The following TRIP12 variants were observed in gnomAD, a reference collection of about 807,000 sequenced individuals.
TRIP12 encodes thyroid hormone receptor interactor 12.
In TRIP12, 25 loss-of-function variants were observed where a neutral mutation model predicts 244.2. The ratio of observed to expected loss-of-function variants is 0.10; its 90% CI spans 0.07 to 0.14. The LOEUF is 0.14. Ranked by LOEUF, TRIP12 falls within the 10% of genes least tolerant of loss-of-function variation. The pLI is 1.00. For missense variants in TRIP12, 1,677 were observed against 2,486.4 expected (o/e 0.67, Z 6.92); for synonymous variants, 905 against 873.1 (o/e 1.04, Z -0.64).
At chr2:229,780,408 G>T (rs1334447899) in intron 34 of TRIP12, among the ~76,000 whole-genome samples, 1 of 152,118 alleles carries the variant, frequency 6.6e-6, no homozygotes, top group South Asian at 2.1e-4. Flanking sequence ...TAGCATTCCC[G>T]ACATCTTGTA....
intron 8 of TRIP12, among the ~76,000 whole-genome samples, chr2:229,825,519 G>T (rs999975425): frequency 6.6e-6 from 1 of 152,210 alleles, no homozygotes; most frequent in Non-Finnish European, 1.5e-5. Context: ...GGCTGGGGAG[G>T]CCTCAGGAAA....
intron 17 of TRIP12, among the ~76,000 whole-genome samples, chr2:229,806,552 T>C (rs2154274634): frequency 6.6e-6 from 1 of 152,260 alleles, no homozygotes; most frequent in South Asian, 2.1e-4. Context: ...TCTCAGCACA[T>C]ATGAGAGAGT....
At chr2:229,782,623 T>G (rs2038618469) in intron 34 of TRIP12, among the ~76,000 whole-genome samples, 1 of 152,198 alleles carries the variant, frequency 6.6e-6, no homozygotes, top group Admixed American at 6.5e-5. Context: ...CAACTTATAA[T>G]TTTACCTTTG....
chr2:229,873,037 TAGA>T lies in TRIP12; in HGVS notation c.98+6942_98+6944del, dbSNP rs546525977. ...ATAACAAATACAAAGAAAAAAATAA[TAGA>T]AGGAGACTGCATCAAAAATTATTCT... On this transcript the variant is annotated intron_variant, in intron 2 of 41. Coordinates refer to ENST00000675903, the MANE Select transcript of TRIP12 (RefSeq NM_001348323.3). Among the ~76,000 whole-genome samples, 309 of 152,276 alleles carry T rather than the reference TAGA, an allele frequency of 2.0e-3. 2 individuals carry two copies. The highest frequency in any genetic ancestry group is 7.0e-3 in the African/African-American group (292 of 41,562).
At chr2:229,821,278 T>C (rs1452242490) in intron 8 of TRIP12, among the ~76,000 whole-genome samples, 1 of 152,146 alleles carries the variant, frequency 6.6e-6, no homozygotes, top group Non-Finnish European at 1.5e-5. Flanking sequence ...CAAACATCAA[T>C]GAAGTAGAAA....
Position 229,805,776 on chromosome 2 carries a change from T to A in TRIP12, c.2604A>T (p.Ala868=). Residue 868 remains alanine (A), a synonymous_variant, in exon 18 of 42, where the codon GCA becomes GCT. Transcript: ENST00000675903. ...GGTTAGGTTTTCTCTGAATGGCACG[T>A]GCTGTTCCCGTGTCCTCATTGATTT... ...MQQINEDTGT[A]RAIQRKPNPL... The A allele has an allele frequency of 3.1e-6, 5 of 1,609,510 alleles. No individual in the cohort carries two copies. Among genetic ancestry groups the A allele is most frequent in the Non-Finnish European group, 4.3e-6 (5 of 1,176,462 alleles).
intron 2 of TRIP12, among the ~76,000 whole-genome samples, chr2:229,867,176 T>TTG (rs2061696741): frequency 1.3e-5 from 2 of 149,290 alleles, no homozygotes; most frequent in Non-Finnish European, 3.0e-5. Flanking sequence ...TGTTTGTTTT[T>TTG]TTTTTTTGAG....
intron 4 of TRIP12, among the ~76,000 whole-genome samples, chr2:229,846,626 G>A (rs1303272559): frequency 6.6e-6 from 1 of 151,734 alleles, no homozygotes; most frequent in Non-Finnish European, 1.5e-5. Flanking sequence ...ACATCTCCAA[G>A]GTATGCCCGT....
chr2:229,902,456 T>C (rs1008206249), intron 1 of TRIP12, among the ~76,000 whole-genome samples: 1 of 152,208 alleles, frequency 6.6e-6, no homozygotes, highest in African/African-American at 2.4e-5. Context: ...TTATTGGCGG[T>C]ACCTTTAAGT....
In TRIP12 at chr2:229,778,351, A is replaced by C. The variant is rs2036987641; in HGVS notation, c.5364+82T>G. ...TTTGAGAAGCATTGCTCTAAACTATAGCAGTAAACTACAGGGGACTGAGGT... is the reference window on the plus strand; with the variant it reads ...TTTGAGAAGCATTGCTCTAAACTATCGCAGTAAACTACAGGGGACTGAGGT... On this transcript the variant is annotated intron_variant, in intron 36 of 41. Coordinates refer to ENST00000675903, the MANE Select transcript of TRIP12 (RefSeq NM_001348323.3). This position sits in a 1 kb window ranked among gnomAD's most constrained non-coding sequence, Gnocchi z 4.1. 1.3e-6 allele frequency: 2 copies of C among 1,515,814 alleles called. No individual in the cohort carries two copies. The highest frequency in any genetic ancestry group is 3.7e-5 in the Admixed American group (2 of 53,640). 93.9% of individuals were successfully genotyped at this position (1,515,814 alleles called of 1,614,324 possible).
chr2:229,864,037 A>AGT (rs2060972485), intron 2 of TRIP12, among the ~76,000 whole-genome samples: 1 of 85,802 alleles, frequency 1.2e-5, no homozygotes, highest in Non-Finnish European at 2.7e-5. Context: ...AGAGAGAGAG[A>AGT]GAGAGAGAGA....
At chr2:229,807,598 T>A in intron 17 of TRIP12, 110 bp downstream of exon 17, 1 of 1,347,594 alleles carries the variant, frequency 7.4e-7, no homozygotes. Context: ...GAATCTTGAG[T>A]TAATTCAAAA....
At chr2:229,825,661 A>G (rs974566774) in intron 8 of TRIP12, among the ~76,000 whole-genome samples, 5 of 152,266 alleles carry the variant, frequency 3.3e-5, no homozygotes, top group Non-Finnish European at 7.4e-5. Context: ...AGCATGGGGG[A>G]AAACACCCCC....
At chr2:229,848,418 C>T (rs973189990) in intron 4 of TRIP12, among the ~76,000 whole-genome samples, 19 of 141,364 alleles carry the variant, frequency 1.3e-4, no homozygotes, top group African/African-American at 3.7e-4. Flanking sequence ...ATAAACCAAA[C>T]GCATGATTCT....
Position 229,916,429 on chromosome 2 carries a change from G to A in TRIP12, c.-50+5451C>T, listed in dbSNP as rs115217505. On this transcript the variant is annotated intron_variant, in intron 1 of 41. Transcript: ENST00000675903. ...ATGATAGCCAAGTGTGGAGGTGCCCGTCTGTGATCCCAGTATTTGGGAGGC... is the reference window on the plus strand; with the variant it reads ...ATGATAGCCAAGTGTGGAGGTGCCCATCTGTGATCCCAGTATTTGGGAGGC... Among the ~76,000 whole-genome samples the A allele has an allele frequency of 7.0e-3, 1,070 of 152,234 alleles. 9 individuals carry two copies. Among genetic ancestry groups the A allele is most frequent in the South Asian group, 0.011 (51 of 4,822 alleles).
intron 32 of TRIP12, among the ~76,000 whole-genome samples, chr2:229,788,145 A>G (rs1460047834): frequency 6.6e-6 from 1 of 152,216 alleles, no homozygotes; most frequent in Non-Finnish European, 1.5e-5. Flanking sequence ...CTTATATGAA[A>G]TTTCTAAGTG....
intron 1 of TRIP12, among the ~76,000 whole-genome samples, chr2:229,889,392 T>C (rs867595940): frequency 4.6e-5 from 7 of 152,236 alleles, no homozygotes; most frequent in South Asian, 4.1e-4. Flanking sequence ...ATATAAATCC[T>C]GTCTTAGCTC....
chr2:229,913,800 A>ATC (rs1185835173), intron 1 of TRIP12, among the ~76,000 whole-genome samples: 1 of 152,200 alleles, frequency 6.6e-6, no homozygotes, highest in Non-Finnish European at 1.5e-5. Flanking sequence ...AAAGAATGAG[A>ATC]TCTCTACCTT....
Position 229,778,612 on chromosome 2 carries a change from C to A in TRIP12, c.5210-25G>T, listed in dbSNP as rs749914856. 3.8e-6 allele frequency: 6 copies of A among 1,592,092 alleles called. No homozygotes were observed. Among genetic ancestry groups the A allele is most frequent in the Non-Finnish European group, 5.1e-6 (6 of 1,170,326 alleles). On this transcript the variant is annotated intron_variant, in intron 35 of 41. Transcript: ENST00000675903. The surrounding 1 kb of genome is among the most constrained non-coding windows in gnomAD (Gnocchi z 4.1). ...CCTGAAAAACAAGCAATGCAGCAAA[C>A]TTCAGATGATGTTTCCAAAAACAAA...
Sources: gnomAD v4.1 joint callset for allele counts (sites outside exome capture counted in the v4.1 genomes callset) on GRCh38, gnomAD v4.1.1 for gene constraint, Gnocchi (gnomAD v3.1) non-coding constraint, MANE v1.5 for transcripts, NCBI Gene and HGNC (gene_info 2026-07-23, HGNC 2026-07-21) for gene names.